Variants in ZMIZ1 observed in about 807,000 individuals in gnomAD.
ZMIZ1 encodes the protein zinc finger MIZ-type containing 1, also known as zinc finger MIZ domain-containing protein 1.
In ZMIZ1, 17 loss-of-function variants were observed where a neutral mutation model predicts 113.9. The observed-to-expected ratio is 0.15, with a 90% CI of 0.10 to 0.22. The LOEUF is 0.22. ZMIZ1 is among the 10% of genes least tolerant of loss of function. The pLI, the probability that ZMIZ1 is intolerant of heterozygous loss-of-function variation, is 1.00. For synonymous variants in ZMIZ1, 607 were observed against 603.1 expected (o/e 1.01, Z -0.09); for missense variants, 1,059 against 1,477.8 (o/e 0.72, Z 4.65).
intron 7 of ZMIZ1, among the ~76,000 whole-genome samples, chr10:79,243,380 C>T (rs1238555538): frequency 6.7e-6 from 1 of 149,438 alleles, no homozygotes; most frequent in Non-Finnish European, 1.5e-5. Flanking sequence ...ATTAGCGGAG[C>T]CTCCGCCTAT....
At chr10:79,091,824 GA>G (rs1842990150) in intron 1 of ZMIZ1, among the ~76,000 whole-genome samples, 1 of 152,112 alleles carries the variant, frequency 6.6e-6, no homozygotes, top group Non-Finnish European at 1.5e-5. Flanking sequence ...GGTTAGGAGG[GA>G]ACACTTATTC....
At chr10:79,272,667 G>A (rs1467594864) in intron 7 of ZMIZ1, among the ~76,000 whole-genome samples, 1 of 152,270 alleles carries the variant, frequency 6.6e-6, no homozygotes, top group Non-Finnish European at 1.5e-5. Context: ...TTGGGTGAGT[G>A]ATAGAACACC....
intron 13 of ZMIZ1, chr10:79,297,074 G>A (rs1188483750): frequency 5.8e-6 from 1 of 173,816 alleles, no homozygotes; most frequent in Non-Finnish European, 1.2e-5. Flanking sequence ...ACATAATAAG[G>A]ATGATACTTA....
At chr10:79,297,965 G>T (rs933593421) in intron 14 of ZMIZ1, among the ~76,000 whole-genome samples, 5 of 152,166 alleles carry the variant, frequency 3.3e-5, no homozygotes, top group Admixed American at 3.3e-4. Context: ...GATTCTGCAG[G>T]CCCCGACTCC....
chr10:79,074,974 T>C (rs1237010555), intron 1 of ZMIZ1, among the ~76,000 whole-genome samples: 1 of 152,248 alleles, frequency 6.6e-6, no homozygotes, highest in Non-Finnish European at 1.5e-5. Context: ...GTGTCTGAGC[T>C]AATTAGATTT....
At chr10:79,080,313 T>C (rs1589249096) in intron 1 of ZMIZ1, among the ~76,000 whole-genome samples, 1 of 147,460 alleles carries the variant, frequency 6.8e-6, no homozygotes. Flanking sequence ...TTTTTTTTTT[T>C]TTTTTTTTTT....
At chr10:79,092,529 C>T (rs1005057039) in intron 1 of ZMIZ1, among the ~76,000 whole-genome samples, 4 of 152,258 alleles carry the variant, frequency 2.6e-5, no homozygotes, top group African/African-American at 4.8e-5. Context: ...CTAGGGGTGT[C>T]CCCCTGTGGG....
chr10:79,242,793 T>G (rs1382801100), intron 7 of ZMIZ1, among the ~76,000 whole-genome samples: 1 of 151,714 alleles, frequency 6.6e-6, no homozygotes, highest in Non-Finnish European at 1.5e-5. Flanking sequence ...GAAAGGGGCC[T>G]CGTCGCCGCC....
chr10:79,291,052 A>C lies in ZMIZ1; in HGVS notation c.634A>C (p.Asn212His), dbSNP rs1853461944. The C allele has an allele frequency of 1.2e-6, 2 of 1,614,106 alleles. No homozygotes were observed. The highest frequency in any genetic ancestry group is 1.7e-6 in the Non-Finnish European group (2 of 1,180,052). Residue 212 changes from asparagine (N) to histidine (H), a missense_variant, in exon 10 of 25, where the codon AAC becomes CAC. By Grantham distance (68) the Asn-to-His change is moderately conservative (BLOSUM62 1). This residue lies in a region of ZMIZ1 where 272 missense variants were observed against 350.4 expected (regional missense o/e 0.78). Transcript: ENST00000334512. ...CATGACCACCAGCAACCCAGGCCTC[A>C]ACTCCCCACAGTTTGCGGGGCAGCA... is the stretch of plus-strand genomic sequence containing the variant. Reference protein sequence around the residue: ...SGMTTSNPGLNSPQFAGQQQQ... With the variant: ...SGMTTSNPGLHSPQFAGQQQQ...
intron 22 of ZMIZ1, among the ~76,000 whole-genome samples, chr10:79,306,832 C>G (rs1032527041): frequency 6.6e-6 from 1 of 152,190 alleles, no homozygotes; most frequent in Admixed American, 6.5e-5. Flanking sequence ...GATCTTAGGT[C>G]CCCATGAGAG....
chr10:79,287,483 G>A (rs1853160380), intron 8 of ZMIZ1, among the ~76,000 whole-genome samples: 1 of 152,256 alleles, frequency 6.6e-6, no homozygotes, highest in Non-Finnish European at 1.5e-5. Flanking sequence ...AGTTGGGAAA[G>A]CCCTTTGACT....
chr10:79,069,857 G>A lies in ZMIZ1; in HGVS notation c.-337+587G>A, dbSNP rs933486255. On this transcript the variant is annotated intron_variant, in intron 1 of 24. Coordinates refer to ENST00000334512, the MANE Select transcript of ZMIZ1 (RefSeq NM_020338.4). The surrounding 1 kb of genome is among the most constrained non-coding windows in gnomAD (Gnocchi z 4.6). ...TAAGTTGTTTGTGTGGGAATTGCCC[G>A]GGGAAAGCTGGCGCGCGGTACAAAC... 3.5e-4 allele frequency among the ~76,000 whole-genome samples: 53 copies of A among 151,390 alleles called. No homozygotes were observed. The highest frequency in any genetic ancestry group is 9.2e-4 in the Admixed American group (14 of 15,254).
chr10:79,171,645 G>C (rs1192134654), intron 4 of ZMIZ1, among the ~76,000 whole-genome samples: 1 of 152,234 alleles, frequency 6.6e-6, no homozygotes, highest in East Asian at 1.9e-4. Flanking sequence ...GAAAATTTGT[G>C]ATGCACCGTG....
At chr10:79,113,401 T>C (rs1003299861) in intron 1 of ZMIZ1, among the ~76,000 whole-genome samples, 4 of 152,222 alleles carry the variant, frequency 2.6e-5, no homozygotes, top group Non-Finnish European at 5.9e-5. Flanking sequence ...GTGGAGGTGC[T>C]GCTGCCCGGG....
intron 22 of ZMIZ1, 137 bp downstream of exon 22, chr10:79,306,481 A>C: frequency 7.0e-7 from 1 of 1,424,312 alleles, no homozygotes; most frequent in South Asian, 1.4e-5. Flanking sequence ...CCCCCAAAAA[A>C]CAATTCCCAG....
rs1842281851 is a variant in ZMIZ1 at position 79,071,397 on chromosome 10, T to C, written c.-337+2127T>C. ...GGTGCCTGGGTTTGCTTATTACTGTTTTTGAAGGTACAGATAAAGAGGCAG... is the reference window on the plus strand; with the variant it reads ...GGTGCCTGGGTTTGCTTATTACTGTCTTTGAAGGTACAGATAAAGAGGCAG... On this transcript the variant is annotated intron_variant, in intron 1 of 24. Coordinates refer to ENST00000334512, the MANE Select transcript of ZMIZ1 (RefSeq NM_020338.4). 2.0e-5 allele frequency among the ~76,000 whole-genome samples: 3 copies of C among 152,142 alleles called. 1 individual carries two copies. The highest frequency in any genetic ancestry group is 2.0e-4 in the Admixed American group (3 of 15,272).
intron 5 of ZMIZ1, among the ~76,000 whole-genome samples, 192 bp from the exon 6 acceptor site, chr10:79,208,142 GGT>G (rs1848407205): frequency 7.5e-6 from 1 of 132,474 alleles, no homozygotes; most frequent in Non-Finnish European, 1.6e-5. Flanking sequence ...GGTGGGGGGG[GGT>G]GGGAGCAGGC....
intron 2 of ZMIZ1, among the ~76,000 whole-genome samples, chr10:79,137,694 C>T (rs976044837): frequency 6.6e-6 from 1 of 152,184 alleles, no homozygotes; most frequent in African/African-American, 2.4e-5. Context: ...ACAAGATTTG[C>T]ACCTGGAAGG....
At chr10:79,194,684 T>G (rs1398244480) in intron 4 of ZMIZ1, among the ~76,000 whole-genome samples, 1 of 152,194 alleles carries the variant, frequency 6.6e-6, no homozygotes, top group African/African-American at 2.4e-5. Flanking sequence ...CCGTGTCCTC[T>G]TCCTCTCCCC....
Sources: allele counts gnomAD v4.1 joint callset (sites outside exome capture counted in the v4.1 genomes callset), GRCh38; gene constraint gnomAD v4.1.1; regional missense constraint gnomAD v4.1.1; non-coding constraint Gnocchi (gnomAD v3.1); transcripts MANE v1.5; gene names NCBI Gene and HGNC (gene_info 2026-07-23, HGNC 2026-07-21).